Variants in TAS2R1 observed in about 807,000 individuals in gnomAD.
TAS2R1 encodes the protein taste 2 receptor member 1.
For synonymous variants in TAS2R1, 141 were observed against 134.2 expected, an observed-to-expected ratio of 1.05 and a Z score of -0.35; for missense variants, 370 against 353.4, an observed-to-expected ratio of 1.05 and a Z score of -0.38.
At chr5:9,685,600 G>A (rs1741108737) in intron 1 of TAS2R1, among the ~76,000 whole-genome samples, 1 of 152,144 alleles carries the variant, frequency 6.6e-6, no homozygotes, top group Non-Finnish European at 1.5e-5. Context: ...AGTTTAGGCA[G>A]GCTGAGGAGG....
the TAS2R1 span, among the ~76,000 whole-genome samples, chr5:9,814,994 A>T: frequency 6.6e-6 from 1 of 152,234 alleles, no homozygotes; most frequent in Non-Finnish European, 1.5e-5. Context: ...CTCTCTTCAC[A>T]TGGCGTGTCG....
chr5:9,718,942 TAA>T, the TAS2R1 span, among the ~76,000 whole-genome samples: 1 of 152,128 alleles, frequency 6.6e-6, no homozygotes, highest in Admixed American at 6.5e-5. Context: ...TAAAGTAGGC[TAA>T]AGAGTCATGA....
intron 1 of TAS2R1, among the ~76,000 whole-genome samples, chr5:9,709,601 GTC>G (rs1342359079): frequency 6.6e-6 from 1 of 152,130 alleles, no homozygotes; most frequent in East Asian, 1.9e-4. Context: ...TTCCGTCTTG[GTC>G]TCTCTCATCC....
chr5:9,827,837 T>C, the TAS2R1 span, among the ~76,000 whole-genome samples: 3 of 152,200 alleles, frequency 2.0e-5, no homozygotes, highest in African/African-American at 7.2e-5. Flanking sequence ...CTTTATCTGA[T>C]TAAAATCCAG....
chr5:9,791,824 G>A, the TAS2R1 span, among the ~76,000 whole-genome samples: 5 of 152,318 alleles, frequency 3.3e-5, 1 homozygote, highest in Middle Eastern at 6.8e-3. Flanking sequence ...CAGCCTGGGT[G>A]TGGGGCTTCC....
intron 1 of TAS2R1, among the ~76,000 whole-genome samples, chr5:9,678,055 A>G (rs1161634670): frequency 6.6e-6 from 1 of 152,196 alleles, no homozygotes; most frequent in African/African-American, 2.4e-5. Flanking sequence ...TCTAATATAC[A>G]GAATTTACAA....
intron 1 of TAS2R1, among the ~76,000 whole-genome samples, chr5:9,694,322 T>C (rs1464818717): frequency 6.6e-6 from 1 of 152,200 alleles, no homozygotes; most frequent in African/African-American, 2.4e-5. Context: ...GAAATGATTT[T>C]CCGTAGTTAC....
chr5:9,886,232 G>A, the TAS2R1 span, among the ~76,000 whole-genome samples: 4 of 151,108 alleles, frequency 2.6e-5, no homozygotes, highest in East Asian at 3.9e-4. Context: ...GGGTTTCACC[G>A]TGTTGCCCAG....
intron 2 of TAS2R1, among the ~76,000 whole-genome samples, chr5:9,649,613 A>G (rs1740263272): frequency 6.6e-6 from 1 of 152,186 alleles, no homozygotes; most frequent in Non-Finnish European, 1.5e-5. Flanking sequence ...GTTATCTCAA[A>G]TGTGGATTTT....
upstream of TAS2R1, chr5:9,713,839 C>T (rs897070974): frequency 2.0e-5 from 3 of 152,214 alleles, no homozygotes; most frequent in Non-Finnish European, 4.4e-5. Context: ...AAAGACCAAA[C>T]ACTGGCTCAC....
chr5:9,775,114 C>T, the TAS2R1 span, among the ~76,000 whole-genome samples: 1 of 152,140 alleles, frequency 6.6e-6, no homozygotes, highest in Non-Finnish European at 1.5e-5. Context: ...GTACTCTGTT[C>T]TACCATGGCT....
chr5:9,688,518 T>C (rs997946289), intron 1 of TAS2R1, among the ~76,000 whole-genome samples: 1 of 152,176 alleles, frequency 6.6e-6, no homozygotes, highest in Non-Finnish European at 1.5e-5. Flanking sequence ...GTAGACTTGA[T>C]GGATTATCGA....
At chr5:9,856,986 G>A in the TAS2R1 span, among the ~76,000 whole-genome samples, 1 of 152,204 alleles carries the variant, frequency 6.6e-6, no homozygotes, top group East Asian at 1.9e-4. Context: ...TTGGCTCAAT[G>A]GGGATAGAAC....
At chr5:9,796,627 C>CA in the TAS2R1 span, among the ~76,000 whole-genome samples, 36,747 of 140,632 alleles carry the variant, frequency 0.26, 5,164 homozygotes, top group Middle Eastern at 0.46. Flanking sequence ...CATCCTAAGC[C>CA]AAAACAACAA....
At chr5:9,802,432 C>T in the TAS2R1 span, among the ~76,000 whole-genome samples, 1 of 152,134 alleles carries the variant, frequency 6.6e-6, no homozygotes, top group Non-Finnish European at 1.5e-5. Flanking sequence ...AACAAGCAGC[C>T]CTTGAGTCCC....
chr5:9,727,917 G>T, the TAS2R1 span, among the ~76,000 whole-genome samples: 1 of 152,180 alleles, frequency 6.6e-6, no homozygotes, highest in South Asian at 2.1e-4. Context: ...AGTAGGAAGG[G>T]GTAGAATGCA....
At chr5:9,840,857 ATTT>A in the TAS2R1 span, among the ~76,000 whole-genome samples, 24,970 of 130,058 alleles carry the variant, frequency 0.19, 2,395 homozygotes, top group Non-Finnish European at 0.28. Context: ...TTATTTATTT[ATTT>A]TTTTTTTTTT....
the TAS2R1 span, among the ~76,000 whole-genome samples, chr5:9,763,731 C>T: frequency 6.6e-6 from 1 of 152,098 alleles, no homozygotes; most frequent in Non-Finnish European, 1.5e-5. Flanking sequence ...GAGCCAAGTG[C>T]CGCAACCCAG....
chr5:9,802,068 A>G, the TAS2R1 span, among the ~76,000 whole-genome samples: 1 of 152,180 alleles, frequency 6.6e-6, no homozygotes. Flanking sequence ...TCCTTATAGT[A>G]CCATAGCTGA....
Sources: allele counts gnomAD v4.1 joint callset (sites outside exome capture counted in the v4.1 genomes callset), GRCh38; gene constraint gnomAD v4.1.1; transcripts MANE v1.5; gene names NCBI Gene and HGNC (gene_info 2026-07-23, HGNC 2026-07-21).